The following FARP2 variants were observed in gnomAD, a reference collection of about 807,000 sequenced individuals.
FARP2 encodes FERM, ARHGEF and pleckstrin domain-containing protein 2.
FARP2 carries 111 observed loss-of-function variants against 130.5 expected under a neutral mutation model. The ratio of observed to expected loss-of-function variants is 0.85; its 90% confidence interval spans 0.73 to 1.00. FARP2 has a LOEUF of 1.00. FARP2 is among the 50% of genes least tolerant of loss of function. The pLI is 0.00. For synonymous variants in FARP2, 504 were observed against 516.9 expected, an observed-to-expected ratio of 0.98 and a Z score of 0.34; for missense variants, 1,385 against 1,346.3, an observed-to-expected ratio of 1.03 and a Z score of -0.45.
At chr2:241,454,667 G>T (rs1157128051) in intron 13 of FARP2, among the ~76,000 whole-genome samples, 2 of 152,224 alleles carry the variant, frequency 1.3e-5, no homozygotes, top group African/African-American at 4.8e-5. Context: ...AGTATGTGAG[G>T]CAAGGCGGAA....
intron 8 of FARP2, among the ~76,000 whole-genome samples, chr2:241,424,527 A>G (rs150907991): frequency 9.9e-4 from 151 of 152,308 alleles, no homozygotes; most frequent in Non-Finnish European, 1.8e-3. Context: ...CAGGTTAACA[A>G]CCTAACATCT....
At chr2:241,435,210 C>T (rs1283522277) in intron 11 of FARP2, among the ~76,000 whole-genome samples, 180 bp downstream of exon 11, 1 of 152,074 alleles carries the variant, frequency 6.6e-6, no homozygotes, top group East Asian at 1.9e-4. Flanking sequence ...CCTCCCACCT[C>T]AGCCTCCCGA....
chr2:241,494,612 AG>A lies in FARP2; in HGVS notation c.*488del, dbSNP rs1282811031. On this transcript the variant is annotated 3_prime_UTR_variant, in exon 27 of 27. Transcript: ENST00000264042. The surrounding 1 kb of genome is among the most constrained non-coding windows in gnomAD (Gnocchi z 4.9). ...TGCTGACCTTCCATCTGGTGAACCA[AG>A]TGGCAGCCCCAGGGGCCTGCCCTGC... 1 of 152,346 alleles carries A rather than the reference AG, an allele frequency of 6.6e-6. No individual in the cohort carries two copies. Among genetic ancestry groups the A allele is most frequent in the Admixed American group, 6.5e-5 (1 of 15,294 alleles). The allele number at this position is 152,346 out of a possible 1,614,324, so 9.4% of individuals were successfully genotyped here. A position where few individuals can be genotyped will look rare whatever the true frequency, so the allele number is the denominator to read the frequency against.
chr2:241,417,059 G>T (rs2062692284), intron 7 of FARP2, among the ~76,000 whole-genome samples: 1 of 152,152 alleles, frequency 6.6e-6, no homozygotes, highest in South Asian at 2.1e-4. Context: ...CCAGCACTTT[G>T]AGAAGCCAAG....
At chr2:241,433,951 G>A (rs1334408966) in intron 9 of FARP2, among the ~76,000 whole-genome samples, 6 of 152,136 alleles carry the variant, frequency 3.9e-5, no homozygotes, top group Non-Finnish European at 8.8e-5. Flanking sequence ...TGGGAGGATT[G>A]TTTGAGCCTG....
intron 11 of FARP2, 137 bp downstream of exon 11, chr2:241,435,167 C>T (rs1400703388): frequency 1.5e-5 from 8 of 516,448 alleles, no homozygotes; most frequent in Non-Finnish European, 2.4e-5. Flanking sequence ...GATCACGGCT[C>T]ACTGCAGCTT....
intron 9 of FARP2, chr2:241,432,224 A>G (rs2063110522): frequency 6.5e-6 from 1 of 153,000 alleles, no homozygotes. Context: ...AATGCACACA[A>G]GAACTCAAGG....
At chr2:241,403,304 T>C (rs1429412905) in intron 2 of FARP2, among the ~76,000 whole-genome samples, 1 of 152,132 alleles carries the variant, frequency 6.6e-6, no homozygotes, top group Admixed American at 6.5e-5. Flanking sequence ...AGCCTCCTTC[T>C]TGCAAGTTCA....
At chr2:241,382,788 T>TA (rs2061692142) in intron 2 of FARP2, among the ~76,000 whole-genome samples, 1 of 152,246 alleles carries the variant, frequency 6.6e-6, no homozygotes, top group South Asian at 2.1e-4. Flanking sequence ...CATTTCATAT[T>TA]ACAATTTTTA....
chr2:241,371,103 A>G (rs2061415040), intron 1 of FARP2, among the ~76,000 whole-genome samples: 1 of 152,314 alleles, frequency 6.6e-6, no homozygotes, highest in East Asian at 1.9e-4. Context: ...CAGAAGTTCA[A>G]AAGGTTGTCT....
chr2:241,494,061 T>A lies in FARP2; in HGVS notation c.3101T>A (p.Ile1034Asn). 7.0e-7 allele frequency: 1 copy of A among 1,429,486 alleles called. No individual in the cohort carries two copies. The highest frequency in any genetic ancestry group is 9.2e-7 in the Non-Finnish European group (1 of 1,091,766). The allele number at this position is 1,429,486 out of a possible 1,614,324, so 88.6% of individuals were successfully genotyped here. A position where few individuals can be genotyped will look rare whatever the true frequency, so the allele number is the denominator to read the frequency against. ...ASSSAGRAPS[I>N]VQDGPQPSSG... is the part of the protein sequence containing the mutation. ...AGCTCAGCCGGGAGGGCCCCAAGCA[T>A]CGTGCAGGATGGCCCCCAACCCTCC... The change falls in exon 27 of 27, where the codon ATC becomes AAC. Residue 1034 changes from isoleucine to asparagine, a missense_variant. Coordinates refer to ENST00000264042, the MANE Select transcript of FARP2 (RefSeq NM_014808.4). The surrounding 1 kb of genome is among the most constrained non-coding windows in gnomAD (Gnocchi z 4.9).
chr2:241,460,030 A>G (rs3771583), intron 14 of FARP2, among the ~76,000 whole-genome samples: 9,642 of 152,198 alleles, frequency 0.063, 338 homozygotes, highest in Middle Eastern at 0.13. Flanking sequence ...TTTCTATAGA[A>G]CAACATTCAG....
rs2064681535 is a variant in FARP2 at position 241,483,637 on chromosome 2, T to C, written c.2331+104T>C. The C allele has an allele frequency of 4.5e-6, 6 of 1,347,382 alleles. No individual in the cohort carries two copies. In the African/African-American group the frequency reaches 7.2e-5, roughly 16 times the overall value. 83.5% of individuals were successfully genotyped at this position (1,347,382 alleles called of 1,614,324 possible). On this transcript the variant is annotated intron_variant, in intron 20 of 26. Coordinates refer to ENST00000264042, the MANE Select transcript of FARP2 (RefSeq NM_014808.4). The stretch of plus-strand genomic sequence containing the variant: ...CGGCAGCCCATTGGCCTCTGGGTAG[T>C]TTAGCACTTGGAGGCTTTGGTCCAG...
chr2:241,432,848 A>G (rs1037972373), intron 9 of FARP2, among the ~76,000 whole-genome samples: 9 of 152,236 alleles, frequency 5.9e-5, no homozygotes, highest in Non-Finnish European at 8.8e-5. Flanking sequence ...AGAGATGGCC[A>G]TGCCTGTGTC....
intron 1 of FARP2, among the ~76,000 whole-genome samples, chr2:241,359,059 T>G (rs941800948): frequency 9.2e-5 from 14 of 152,064 alleles, no homozygotes; most frequent in African/African-American, 3.4e-4. Flanking sequence ...CCAAGGAAAA[T>G]TTGAACCATT....
intron 4 of FARP2, among the ~76,000 whole-genome samples, chr2:241,406,157 G>A (rs114411936): frequency 0.048 from 7,232 of 150,932 alleles, 576 homozygotes; most frequent in African/African-American, 0.16. Context: ...TAAATTAGCC[G>A]GGTGTAGGGG....
At chr2:241,455,373 C>A (rs2063802650) in intron 13 of FARP2, among the ~76,000 whole-genome samples, 1 of 152,194 alleles carries the variant, frequency 6.6e-6, no homozygotes, top group Non-Finnish European at 1.5e-5. Context: ...CATAAATTTA[C>A]ATCTTTGATA....
chr2:241,463,722 C>G (rs1396665688), intron 16 of FARP2, 177 bp from the exon 17 acceptor site: 2 of 680,886 alleles, frequency 2.9e-6, no homozygotes, highest in Non-Finnish European at 4.9e-6. Flanking sequence ...TAGAGAATGG[C>G]CAGACACATA....
chr2:241,483,416 G>A (rs771802020), intron 19 of FARP2, 49 bp from the exon 20 acceptor site: 21 of 1,522,120 alleles, frequency 1.4e-5, no homozygotes, highest in South Asian at 4.5e-5. Context: ...TAGTGCATCC[G>A]CCAGCTGCCC....
Sources: allele counts gnomAD v4.1 joint callset (sites outside exome capture counted in the v4.1 genomes callset), GRCh38; gene constraint gnomAD v4.1.1; non-coding constraint Gnocchi (gnomAD v3.1); transcripts MANE v1.5; gene names NCBI Gene and HGNC (gene_info 2026-07-23, HGNC 2026-07-21).